The following POU6F2 variants were observed in gnomAD, a reference collection of about 807,000 sequenced individuals.
POU6F2 encodes the protein POU domain, class 6, transcription factor 2.
In POU6F2, 31 loss-of-function variants were observed where a neutral mutation model predicts 71.3. The ratio of observed to expected loss-of-function variants is 0.43; its 90% CI spans 0.33 to 0.59. The LOEUF (loss-of-function observed/expected upper bound fraction) is 0.59, where lower values mean the gene tolerates loss of function less well. Ranked by LOEUF, POU6F2 falls within the 20% of genes least tolerant of loss-of-function variation. The pLI is 0.04. For synonymous variants in POU6F2, 347 were observed against 355.7 expected, an observed-to-expected ratio of 0.98 and a Z score of 0.27; for missense variants, 783 against 856.8, an observed-to-expected ratio of 0.91 and a Z score of 1.07.
chr7:39,161,950 C>T (rs191405816), intron 2 of POU6F2, among the ~76,000 whole-genome samples: 209 of 152,240 alleles, frequency 1.4e-3, no homozygotes, highest in African/African-American at 4.7e-3. Context: ...GGTAGAGTAA[C>T]GCTGTCCTTG....
At position 39,379,277 on chromosome 7, in the gene POU6F2, G is replaced by T. The variant is rs1387239130; in HGVS notation, c.973-27323G>T. On this transcript the variant is annotated intron_variant, in intron 5 of 9. Transcript: ENST00000518318. ...AGCTAGAACCACAGATTTTGGCATAGAATCATATGCATTAAAATCTCTTCT... is the reference window on the plus strand; with the variant it reads ...AGCTAGAACCACAGATTTTGGCATATAATCATATGCATTAAAATCTCTTCT... Among the ~76,000 whole-genome samples, 2 of 152,166 alleles carry T rather than the reference G, an allele frequency of 1.3e-5. 1 individual carries two copies. Among genetic ancestry groups the T allele is most frequent in the East Asian group, 3.8e-4 (2 of 5,196 alleles).
chr7:39,189,673 T>A (rs1793620692), intron 2 of POU6F2, among the ~76,000 whole-genome samples: 1 of 152,218 alleles, frequency 6.6e-6, no homozygotes, highest in African/African-American at 2.4e-5. Context: ...GTGCTGGGAT[T>A]ACAGGTGTGA....
intron 2 of POU6F2, among the ~76,000 whole-genome samples, chr7:39,134,900 G>A (rs1792359100): frequency 6.6e-6 from 1 of 152,094 alleles, no homozygotes; most frequent in Non-Finnish European, 1.5e-5. Flanking sequence ...ACAGTCAAAG[G>A]CAAGTTCATA....
At chr7:39,305,448 G>A (rs979861092) in intron 4 of POU6F2, among the ~76,000 whole-genome samples, 3 of 152,038 alleles carry the variant, frequency 2.0e-5, no homozygotes, top group Admixed American at 6.6e-5. Flanking sequence ...AGTCAGAATG[G>A]CCCTCCAGCT....
At chr7:39,371,374 T>G (rs1786606598) in intron 5 of POU6F2, among the ~76,000 whole-genome samples, 1 of 152,056 alleles carries the variant, frequency 6.6e-6, no homozygotes, top group South Asian at 2.1e-4. Flanking sequence ...TAGAGACAGG[T>G]TTCACCATGT....
intron 5 of POU6F2, among the ~76,000 whole-genome samples, chr7:39,391,645 C>T (rs1053306828): frequency 2.6e-5 from 4 of 152,176 alleles, no homozygotes; most frequent in African/African-American, 9.7e-5. Context: ...GTGTCTCTGT[C>T]AACAGAGATG....
At chr7:39,111,609 G>T in intron 2 of POU6F2, among the ~76,000 whole-genome samples, 1 of 151,796 alleles carries the variant, frequency 6.6e-6, no homozygotes, top group Middle Eastern at 3.4e-3. Context: ...ATTAGATATA[G>T]GTACAGATAA....
At position 39,148,304 on chromosome 7, in the gene POU6F2, T is replaced by A. The variant is rs545061039; in HGVS notation, c.278-55931T>A. The stretch of plus-strand genomic sequence containing the variant: ...GTGACATCTAGGTTCAGAAACTAGT[T>A]CACCTTCTGATCATGTTCTGAACTC... On this transcript the variant is annotated intron_variant, in intron 2 of 9. Coordinates refer to ENST00000518318, the MANE Select transcript of POU6F2 (RefSeq NM_001370959.1). 2.0e-5 allele frequency among the ~76,000 whole-genome samples: 3 copies of A among 152,344 alleles called. No individual in the cohort carries two copies. In the South Asian group the frequency reaches 6.2e-4, roughly 32 times the overall value.
intron 4 of POU6F2, among the ~76,000 whole-genome samples, chr7:39,305,593 T>C (rs946494891): frequency 4.6e-5 from 7 of 152,242 alleles, no homozygotes; most frequent in East Asian, 1.9e-4. Context: ...TTTGCTGTTA[T>C]AGTCCTCAGC....
chr7:38,979,204 GT>G (rs11321840), intron 1 of POU6F2, among the ~76,000 whole-genome samples: 83,659 of 150,756 alleles, frequency 0.55, 23,361 homozygotes, highest in South Asian at 0.61. Context: ...ACTCCTAAAA[GT>G]TTTTTTTTTT....
intron 2 of POU6F2, among the ~76,000 whole-genome samples, chr7:39,178,700 C>T (rs1044234184): frequency 2.0e-5 from 3 of 152,158 alleles, no homozygotes; most frequent in Non-Finnish European, 4.4e-5. Context: ...TCAGAGACAG[C>T]AAAGCCAAAA....
intron 4 of POU6F2, among the ~76,000 whole-genome samples, chr7:39,334,687 C>T (rs914380734): frequency 2.6e-5 from 4 of 152,270 alleles, no homozygotes; most frequent in Admixed American, 6.5e-5. Flanking sequence ...TTCTGATTTG[C>T]ATCCTTGGTT....
chr7:39,002,686 G>C (rs1470256971), intron 1 of POU6F2, among the ~76,000 whole-genome samples: 1 of 152,188 alleles, frequency 6.6e-6, no homozygotes, highest in Admixed American at 6.5e-5. Context: ...TAACATTTTA[G>C]AGCAATAAAC....
intron 1 of POU6F2, among the ~76,000 whole-genome samples, chr7:39,074,516 T>C (rs1052980488): frequency 6.6e-5 from 10 of 152,176 alleles, no homozygotes; most frequent in Non-Finnish European, 1.3e-4. Flanking sequence ...AAAAATGTCT[T>C]TCTTCTTTTA....
chr7:39,285,957 G>A (rs1355098391), intron 4 of POU6F2, among the ~76,000 whole-genome samples: 1 of 152,206 alleles, frequency 6.6e-6, no homozygotes, highest in Non-Finnish European at 1.5e-5. Context: ...CAGGACACAC[G>A]TTGATTCGCA....
chr7:39,102,209 A>G (rs958263774), intron 2 of POU6F2, among the ~76,000 whole-genome samples: 1 of 152,178 alleles, frequency 6.6e-6, no homozygotes. Flanking sequence ...TGAGAGGTTA[A>G]TTTATTCAAA....
chr7:39,123,782 T>A (rs1304320863), intron 2 of POU6F2, among the ~76,000 whole-genome samples: 1 of 152,144 alleles, frequency 6.6e-6, no homozygotes. Flanking sequence ...TCTTTGGTTT[T>A]TTTTTTTATT....
At position 39,339,996 on chromosome 7, in the gene POU6F2, C is replaced by T. The variant is rs769178294; in HGVS notation, c.953C>T (p.Thr318Met). ...GGACATGGCCTGCCTTCACCGCTCA[C>T]GCCACCCAATCCTCTACAGGTATGC... ...SPGHGLPSPL[T>M]PPNPLQLVNN... Residue 318 changes from threonine to methionine, a missense_variant, in exon 5 of 10, where the codon ACG becomes ATG. Physicochemically the swap from Thr to Met is moderately conservative, Grantham distance 81. Around this residue, in one of 2 missense-constraint regions of POU6F2, gnomAD observed 572 missense variants for 572.9 expected, o/e 1.00. Transcript: ENST00000518318. The T allele has an allele frequency of 1.4e-5, 22 of 1,611,426 alleles. No individual in the cohort carries two copies. In the East Asian group the frequency reaches 1.6e-4, roughly 11 times the overall value.
rs527512608 is a variant in POU6F2, at chr7:39,029,527, A to G, written c.105+51469A>G. 1.8e-3 allele frequency among the ~76,000 whole-genome samples: 279 copies of G among 152,050 alleles called. 2 individuals are homozygous for G. Among genetic ancestry groups the G allele is most frequent in the Admixed American group, 5.4e-3 (82 of 15,258 alleles). ...TGGATGATGAGAAATTATATAGTGG[A>G]TCCAATACCTGTTATTTGGGTGATG... On this transcript the variant is annotated intron_variant, in intron 1 of 9. Transcript: ENST00000518318.
Sources: gnomAD v4.1 joint callset for allele counts (sites outside exome capture counted in the v4.1 genomes callset) on GRCh38, gnomAD v4.1.1 for gene constraint, gnomAD v4.1.1 regional missense constraint, MANE v1.5 for transcripts, NCBI Gene and HGNC (gene_info 2026-07-23, HGNC 2026-07-21) for gene names.